Variants in ABCA9 observed in about 807,000 individuals in gnomAD.
ABCA9 encodes the protein ATP binding cassette subfamily A member 9, also known as ATP-binding cassette sub-family A member 9.
In ABCA9, 183 loss-of-function variants were observed where a neutral mutation model predicts 205.3. That is an observed-to-expected ratio of 0.89 (90% confidence interval 0.79 to 1.01). The LOEUF (loss-of-function observed/expected upper bound fraction) is 1.01, where lower values mean the gene tolerates loss of function less well. Ranked by LOEUF, ABCA9 falls within the 50% of genes least tolerant of loss-of-function variation. The pLI, the probability that ABCA9 is intolerant of heterozygous loss-of-function variation, is 0.00. For missense variants in ABCA9, 1,805 were observed against 1,912.4 expected (o/e 0.94, Z 1.05); for synonymous variants, 651 against 683.3 (o/e 0.95, Z 0.74).
intron 3 of ABCA9, among the ~76,000 whole-genome samples, chr17:69,046,063 C>G (rs2071695744): frequency 6.6e-6 from 1 of 151,922 alleles, no homozygotes; most frequent in African/African-American, 2.4e-5. Flanking sequence ...TTGGAAATAC[C>G]AATACATCAA....
Position 68,995,888 on chromosome 17 carries a change from T to G in ABCA9, c.3555+7A>C. On this transcript the variant is annotated splice_region_variant and intron_variant, in intron 26 of 38. Transcript: ENST00000340001. ...CATGACCCTCAGACAGAAGTGGAAC[T>G]ACTTACCTCAGAAAAAATGAATAGA... The G allele has an allele frequency of 6.2e-7, 1 of 1,613,408 alleles. No homozygotes were observed.
chr17:69,035,185 A>G (rs1296185463), intron 8 of ABCA9, 61 bp downstream of exon 8: 4 of 1,315,994 alleles, frequency 3.0e-6, no homozygotes, highest in Non-Finnish European at 4.0e-6. Flanking sequence ...TGTGTGAATT[A>G]TTAAGAGGGA....
chr17:69,066,416 G>A, the ABCA9 span, among the ~76,000 whole-genome samples: 1 of 151,966 alleles, frequency 6.6e-6, no homozygotes, highest in African/African-American at 2.4e-5. Flanking sequence ...ATAAAAGAAA[G>A]GTTGTAGGTT....
At position 69,028,658 on chromosome 17, in the gene ABCA9, T is replaced by TA. The variant is rs748429638; in HGVS notation, c.1505-14dup. On this transcript the variant is annotated splice_polypyrimidine_tract_variant and intron_variant, in intron 11 of 38. Transcript: ENST00000340001. ...TCAAACACCACACCTGGCATGATTT[T>TA]AAAAAAAATTACACTCAGAGCCTAC... The TA allele has an allele frequency of 1.0e-5, 14 of 1,402,468 alleles. No homozygotes were observed. The highest frequency in any genetic ancestry group is 2.8e-5 in the South Asian group (2 of 70,586). 86.9% of individuals were successfully genotyped at this position (1,402,468 alleles called of 1,614,324 possible).
chr17:68,998,479 A>G (rs73998589), intron 25 of ABCA9, among the ~76,000 whole-genome samples: 4,077 of 152,168 alleles, frequency 0.027, 202 homozygotes, highest in African/African-American at 0.093. Flanking sequence ...ATTGGTTTTC[A>G]TTTACTTCTT....
the ABCA9 span, among the ~76,000 whole-genome samples, chr17:69,078,004 G>A: frequency 6.6e-6 from 1 of 151,904 alleles, no homozygotes; most frequent in African/African-American, 2.4e-5. Flanking sequence ...ACTATTCAAA[G>A]ATGACAAGGA....
intron 1 of ABCA9, among the ~76,000 whole-genome samples, chr17:69,060,631 T>G (rs1480412575): frequency 1.3e-5 from 2 of 152,250 alleles, no homozygotes; most frequent in Admixed American, 1.3e-4. Flanking sequence ...GCCTATTAGA[T>G]AATGTATGCT....
intron 36 of ABCA9, 76 bp downstream of exon 36, chr17:68,983,633 C>T: frequency 6.4e-7 from 1 of 1,564,730 alleles, no homozygotes; most frequent in Non-Finnish European, 8.7e-7. Context: ...GAAGATAAAG[C>T]TCTTATTCCG....
chr17:69,058,725 G>A (rs2072143905), intron 1 of ABCA9, among the ~76,000 whole-genome samples: 1 of 152,062 alleles, frequency 6.6e-6, no homozygotes, highest in Admixed American at 6.5e-5. Context: ...CGTAATCCCA[G>A]CTCCTTGGGA....
Position 68,989,892 on chromosome 17 carries a change from A to G in ABCA9, c.3876T>C (p.Tyr1292=). Residue 1292 remains tyrosine, a synonymous_variant, in exon 30 of 39, where the codon TAT becomes TAC. Transcript: ENST00000340001. ...VIIASCLRKE[Y]AGKKKNCFSK... is the part of the protein sequence containing the mutation. ...AAAAGCAATTTTTCTTTTTGCCTGCATATTCCTTCCGTAGACAGCTGGCAA... is the reference window on the plus strand; with the variant it reads ...AAAAGCAATTTTTCTTTTTGCCTGCGTATTCCTTCCGTAGACAGCTGGCAA... 4 of 1,613,344 alleles carry G rather than the reference A, an allele frequency of 2.5e-6. No individual in the cohort carries two copies. Among genetic ancestry groups the G allele is most frequent in the Non-Finnish European group, 3.4e-6 (4 of 1,179,548 alleles).
At chr17:69,015,168 G>T (rs1473680381) in intron 22 of ABCA9, among the ~76,000 whole-genome samples, 2 of 152,116 alleles carry the variant, frequency 1.3e-5, no homozygotes, top group Non-Finnish European at 2.9e-5. Context: ...CCATGTGTTA[G>T]ACTGCAAAGG....
At chr17:69,015,465 A>C (rs908760489) in intron 22 of ABCA9, among the ~76,000 whole-genome samples, 2 of 152,182 alleles carry the variant, frequency 1.3e-5, no homozygotes, top group Admixed American at 1.3e-4. Flanking sequence ...GCATCTAAGC[A>C]GGCCTGAGAA....
At chr17:69,058,673 A>G (rs762703721) in intron 1 of ABCA9, among the ~76,000 whole-genome samples, 1 of 152,076 alleles carries the variant, frequency 6.6e-6, no homozygotes, top group East Asian at 1.9e-4. Context: ...CCCCATCTCC[A>G]CTAAAAATAC....
intron 14 of ABCA9, 33 bp from the exon 15 acceptor site, chr17:69,027,147 C>A (rs764527138): frequency 2.5e-6 from 4 of 1,609,054 alleles, no homozygotes; most frequent in Non-Finnish European, 2.5e-6. Context: ...AGTAATTCCA[C>A]CCTTTCGGAT....
At chr17:69,041,622 T>C (rs2071540504) in intron 6 of ABCA9, among the ~76,000 whole-genome samples, 2 of 152,018 alleles carry the variant, frequency 1.3e-5, no homozygotes, top group African/African-American at 2.4e-5. Flanking sequence ...AAGAATCACT[T>C]GAACCCGGGA....
intron 37 of ABCA9, among the ~76,000 whole-genome samples, chr17:68,979,679 G>C (rs565074306): frequency 1.0e-3 from 158 of 152,226 alleles, no homozygotes; most frequent in African/African-American, 3.7e-3. Context: ...AACAAGAAAT[G>C]GGGAAATGAT....
chr17:69,058,815 G>T (rs1321437038), intron 1 of ABCA9, among the ~76,000 whole-genome samples: 1 of 150,474 alleles, frequency 6.6e-6, no homozygotes. Flanking sequence ...CTCCAGCCTA[G>T]GTGACAGTGT....
chr17:69,001,395 C>T (rs1023898376), intron 25 of ABCA9, among the ~76,000 whole-genome samples: 19 of 150,378 alleles, frequency 1.3e-4, no homozygotes, highest in South Asian at 2.1e-4. Flanking sequence ...TTGTCTTTGG[C>T]TCTGTTTATA....
At chr17:69,021,123 C>G (rs1262206253) in intron 18 of ABCA9, among the ~76,000 whole-genome samples, 1 of 151,278 alleles carries the variant, frequency 6.6e-6, no homozygotes, top group Non-Finnish European at 1.5e-5. Flanking sequence ...TAGTATAACA[C>G]TAAAAAAGTA....
Sources: allele counts gnomAD v4.1 joint callset (sites outside exome capture counted in the v4.1 genomes callset), GRCh38; gene constraint gnomAD v4.1.1; transcripts MANE v1.5; gene names NCBI Gene and HGNC (gene_info 2026-07-23, HGNC 2026-07-21).